Variants in COX7A2 observed in about 807,000 individuals in gnomAD.
The protein encoded by COX7A2 is cytochrome c oxidase subunit 7A2, mitochondrial.
Under a neutral mutation model 11.6 loss-of-function variants are expected in COX7A2, and 11 were observed. The ratio of observed to expected loss-of-function variants is 0.95; its 90% CI spans 0.60 to 1.57. The LOEUF (loss-of-function observed/expected upper bound fraction) is 1.57. Ranked by LOEUF, COX7A2 falls within the 40% of genes most tolerant of loss-of-function variation. COX7A2 has a pLI of 0.00. For synonymous variants in COX7A2, 30 were observed against 38.2 expected, an observed-to-expected ratio of 0.78 and a Z score of 0.79; for missense variants, 106 against 100.9, an observed-to-expected ratio of 1.05 and a Z score of -0.22.
chr6:75,238,031 G>T, intron 3 of COX7A2, 43 bp from the exon 4 acceptor site: 1 of 1,305,906 alleles, frequency 7.7e-7, no homozygotes, highest in South Asian at 1.7e-5. Flanking sequence ...TAAATTCTAA[G>T]ATCTAAGTGT....
intron 3 of COX7A2, among the ~76,000 whole-genome samples, chr6:75,238,226 T>A (rs1771375050): frequency 6.6e-6 from 1 of 151,890 alleles, no homozygotes; most frequent in African/African-American, 2.4e-5. Context: ...AATGCAAAAA[T>A]TTTTAAAAAT....
intron 3 of COX7A2, 75 bp downstream of exon 3, chr6:75,240,226 A>G (rs1050995023): frequency 8.9e-7 from 1 of 1,120,422 alleles, no homozygotes; most frequent in Non-Finnish European, 1.3e-6. Context: ...ATACTGGCAT[A>G]GCAAAAGCAA....
chr6:75,243,823 G>A (rs754394484), upstream of COX7A2: 3 of 1,613,750 alleles, frequency 1.9e-6, no homozygotes, highest in Admixed American at 1.7e-5. Flanking sequence ...CGAGTCTTGC[G>A]TATGCATTCA....
At chr6:75,249,081 C>T (rs1771740866) in intron 1 of COX7A2, among the ~76,000 whole-genome samples, 1 of 152,230 alleles carries the variant, frequency 6.6e-6, no homozygotes, top group South Asian at 2.1e-4. Context: ...CATGGTGAAA[C>T]CCCATCTCTA....
Position 75,243,768 on chromosome 6 carries a change from G to C in COX7A2, c.-34C>G, listed in dbSNP as rs370057500. Reference sequence around the variant, plus strand: ...TTACTGACCAGCAACCGCCACAACTGAACACCACCAACGAAAATGGCCACG... The same window carrying C: ...TTACTGACCAGCAACCGCCACAACTCAACACCACCAACGAAAATGGCCACG... On this transcript the variant is annotated 5_prime_UTR_variant, in exon 1 of 4. Transcript: ENST00000684430. The C allele has an allele frequency of 8.2e-5, 133 of 1,614,002 alleles. No homozygotes were observed. The highest frequency in any genetic ancestry group is 1.1e-4 in the Non-Finnish European group (129 of 1,179,942).
At chr6:75,245,641 C>T (rs939257726), upstream of COX7A2, among the ~76,000 whole-genome samples, 1 of 152,120 alleles carries the variant, frequency 6.6e-6, no homozygotes, top group Non-Finnish European at 1.5e-5. Flanking sequence ...GAACAAACTC[C>T]TTTGATTACC....
upstream of COX7A2, among the ~76,000 whole-genome samples, chr6:75,245,759 A>G (rs1355696099): frequency 6.6e-6 from 1 of 152,172 alleles, no homozygotes; most frequent in Non-Finnish European, 1.5e-5. Context: ...AGAATCACCA[A>G]TAGCTTCCAG....
chr6:75,243,945 C>G (rs1045890786), upstream of COX7A2: 7 of 890,160 alleles, frequency 7.9e-6, no homozygotes, highest in Non-Finnish European at 1.2e-5. Context: ...CTCGCCGTCT[C>G]AGTCCCGTGA....
chr6:75,240,679 T>C (rs111244705), intron 2 of COX7A2: 179 of 248,150 alleles, frequency 7.2e-4, no homozygotes, highest in African/African-American at 3.8e-3. Context: ...ACATACACAC[T>C]GATCTCAACA....
At chr6:75,239,253 C>T (rs1771415691) in intron 3 of COX7A2, among the ~76,000 whole-genome samples, 1 of 152,194 alleles carries the variant, frequency 6.6e-6, no homozygotes, top group African/African-American at 2.4e-5. Flanking sequence ...CTTGTGCCAT[C>T]AACCTGTGGA....
intron 3 of COX7A2, 97 bp downstream of exon 3, chr6:75,240,204 G>A: frequency 1.2e-6 from 1 of 845,964 alleles, no homozygotes. Flanking sequence ...GAGACAAACT[G>A]CCTGCATTAA....
At chr6:75,242,246 T>C (rs1771526908) in intron 1 of COX7A2, among the ~76,000 whole-genome samples, 1 of 151,610 alleles carries the variant, frequency 6.6e-6, no homozygotes, top group South Asian at 2.1e-4. Flanking sequence ...GGCTCACGCC[T>C]GTAATCCCAG....
intron 1 of COX7A2, among the ~76,000 whole-genome samples, chr6:75,242,800 CAG>C (rs1428477853): frequency 6.6e-6 from 1 of 151,854 alleles, no homozygotes; most frequent in Non-Finnish European, 1.5e-5. Context: ...GCCTGGGCAA[CAG>C]AGTGAGACTA....
At chr6:75,240,949 C>A in intron 2 of COX7A2, 1 of 384,236 alleles carries the variant, frequency 2.6e-6, no homozygotes, top group East Asian at 4.2e-5. Flanking sequence ...CATAATAAAA[C>A]AAAAATCACT....
At chr6:75,238,917 C>T (rs1445592658) in intron 3 of COX7A2, among the ~76,000 whole-genome samples, 1 of 151,710 alleles carries the variant, frequency 6.6e-6, no homozygotes, top group Non-Finnish European at 1.5e-5. Flanking sequence ...CCAGTTCAAG[C>T]AATCTTCCTG....
At chr6:75,244,492 A>G (rs1007451948), upstream of COX7A2, among the ~76,000 whole-genome samples, 3 of 152,204 alleles carry the variant, frequency 2.0e-5, no homozygotes, top group Non-Finnish European at 4.4e-5. Flanking sequence ...GCAGGGCACT[A>G]CATTCATTAC....
At chr6:75,241,149 A>G (rs1771489249) in intron 2 of COX7A2, 27 bp downstream of exon 2, 1 of 1,581,894 alleles carries the variant, frequency 6.3e-7, no homozygotes, top group Non-Finnish European at 8.7e-7. Context: ...AATTACAAGT[A>G]ACATCTCCTA....
chr6:75,245,690 T>C (rs994317201), upstream of COX7A2, among the ~76,000 whole-genome samples: 1 of 152,126 alleles, frequency 6.6e-6, no homozygotes, highest in East Asian at 1.9e-4. Flanking sequence ...TGTCTCTCCT[T>C]CTCCTCCTCC....
At chr6:75,243,857 A>G (rs1455223640), upstream of COX7A2, 1 of 1,604,830 alleles carries the variant, frequency 6.2e-7, no homozygotes, top group South Asian at 1.1e-5. Context: ...TTCCGGGCCG[A>G]AGAGAGGCTT....
Sources: gnomAD v4.1 joint callset for allele counts (sites outside exome capture counted in the v4.1 genomes callset) on GRCh38, gnomAD v4.1.1 for gene constraint, MANE v1.5 for transcripts, NCBI Gene and HGNC (gene_info 2026-07-23, HGNC 2026-07-21) for gene names.